CCL25: variants seen among roughly 807,000 people sequenced by gnomAD.
CCL25 encodes C-C motif chemokine ligand 25, also known as C-C motif chemokine 25.
A neutral mutation model predicts 19.9 loss-of-function variants in CCL25; 14 were observed. That is an observed-to-expected ratio of 0.70 (90% CI 0.47 to 1.10). CCL25 has a LOEUF of 1.10. Among genes scored for constraint, CCL25 ranks in the 50% least tolerant of loss-of-function variants. The probability of loss-of-function intolerance (pLI) is 0.00; values close to 1 mark genes in which losing one functional copy is unlikely to be tolerated. For missense variants in CCL25, 151 were observed against 181.2 expected (o/e 0.83, Z 0.96); for synonymous variants, 68 against 73.2 (o/e 0.93, Z 0.36).
chr19:8,056,557 T>C, intron 4 of CCL25, 58 bp downstream of exon 4: 1 of 1,600,906 alleles, frequency 6.2e-7, no homozygotes, highest in Non-Finnish European at 8.5e-7. Flanking sequence ...TGCAAGCCCA[T>C]GTGTGGTTCA....
intron 2 of CCL25, among the ~76,000 whole-genome samples, 199 bp from the exon 3 acceptor site, chr19:8,055,953 C>T (rs2081268050): frequency 6.6e-6 from 1 of 152,212 alleles, no homozygotes; most frequent in Admixed American, 6.5e-5. Flanking sequence ...CCTCTCCAAC[C>T]TCTGGCTGTC....
intron 2 of CCL25, among the ~76,000 whole-genome samples, chr19:8,054,401 C>T (rs1005875151): frequency 1.3e-5 from 2 of 152,234 alleles, no homozygotes; most frequent in African/African-American, 4.8e-5. Flanking sequence ...ACAGAATGCG[C>T]TGCCCCTTGC....
chr19:8,053,059 T>C lies in CCL25; in HGVS notation c.10T>C (p.Trp4Arg), dbSNP rs1441614679. The C allele has an allele frequency of 6.4e-7, 1 of 1,551,880 alleles. No homozygotes were observed. MNL[W>R]LLACLVAGFL... ...AGGACCCGCCTGCAGCATGAACCTG[T>C]GGCTCCTGGCCTGCCTGGTGGCCGG... The change falls in exon 2 of 6, where the codon TGG (tryptophan) becomes CGG (arginine). Residue 4 changes from tryptophan to arginine, a missense_variant. Transcript: ENST00000315626.
At chr19:8,055,716 CCACCT>C (rs2081266317) in intron 2 of CCL25, among the ~76,000 whole-genome samples, 1 of 152,184 alleles carries the variant, frequency 6.6e-6, no homozygotes, top group Admixed American at 6.5e-5. Context: ...GGTGATCCAC[CCACCT>C]CAGCCTCCCA....
chr19:8,054,335 G>A (rs752070750), intron 2 of CCL25, among the ~76,000 whole-genome samples: 3 of 152,216 alleles, frequency 2.0e-5, no homozygotes, highest in Non-Finnish European at 4.4e-5. Context: ...CCAGCCCTTC[G>A]ATCCTGGCCT....
chr19:8,060,855 T>C (rs1313904250), intron 5 of CCL25, among the ~76,000 whole-genome samples: 1 of 151,302 alleles, frequency 6.6e-6, no homozygotes, highest in East Asian at 2.0e-4. Context: ...TAATTTTTTG[T>C]ATTTTTAGTA....
At chr19:8,056,899 A>G (rs1030280333) in intron 4 of CCL25, among the ~76,000 whole-genome samples, 2 of 151,970 alleles carry the variant, frequency 1.3e-5, no homozygotes, top group African/African-American at 4.8e-5. Context: ...CTGGAGTGCA[A>G]TGGCGCCATC....
In CCL25 at chr19:8,056,584, A is replaced by G; in HGVS notation, c.325+85A>G. ...TGTGGTTCAGACCCCGAGGGAGGGA[A>G]TTGGAGACCAGAATACTGACACCTG... On this transcript the variant is annotated intron_variant, in intron 4 of 5. Coordinates refer to ENST00000315626, the MANE Select transcript of CCL25 (RefSeq NM_005624.4). The G allele has an allele frequency of 2.0e-6, 3 of 1,492,390 alleles. No homozygotes were observed. The South Asian group carries it at 3.6e-5, about 18-fold the overall frequency. The allele number at this position is 1,492,390 out of a possible 1,614,324, so 92.4% of individuals were successfully genotyped here.
At chr19:8,057,514 G>T (rs2081281159) in intron 4 of CCL25, among the ~76,000 whole-genome samples, 1 of 151,850 alleles carries the variant, frequency 6.6e-6, no homozygotes, top group South Asian at 2.1e-4. Flanking sequence ...TTTTCATTTT[G>T]CAGAGACAGG....
Position 8,056,267 on chromosome 19 carries a change from G to T in CCL25, c.189G>T (p.Ala63=). The T allele has an allele frequency of 6.3e-7, 1 of 1,580,152 alleles. No homozygotes were observed. Among genetic ancestry groups the T allele is most frequent in the Admixed American group, 1.8e-5 (1 of 56,930 alleles). The change falls in exon 3 of 6, where the codon GCG becomes GCT. Residue 63 remains alanine (A), a splice_region_variant and synonymous_variant. Coordinates refer to ENST00000315626, the MANE Select transcript of CCL25 (RefSeq NM_005624.4). ...GCGGGAGCTGCAATCTGCCTGCTGC[G>T]ATGTGAGTGGGGCCGTGGGGGCTGG... is the stretch of plus-strand genomic sequence containing the variant. ...EVSGSCNLPA[A]IFYLPKRHRK...
In CCL25 at chr19:8,052,786, C is replaced by CCGG; in HGVS notation, c.-83_-81dup. The CCGG allele has an allele frequency of 4.5e-6, 2 of 441,402 alleles. No individual in the cohort carries two copies. The highest frequency in any genetic ancestry group is 5.5e-5 in the South Asian group (1 of 18,152). The allele number at this position is 441,402 out of a possible 1,614,324, so 27.3% of individuals were successfully genotyped here. ...CAGATGGGACAGCTTGGCCTACAGC[C>CCGG]CGGCGGGCATCAGCTCCCTTGACCC... On this transcript the variant is annotated 5_prime_UTR_variant, in exon 1 of 6. Transcript: ENST00000315626.
In CCL25 at chr19:8,062,314, G is replaced by A. The variant is rs757276071; in HGVS notation, c.*89G>A. ...GCCCTACAGACCCAGCTGTCCCCACGCCTCTGTCTTTTGGGTCAAGTCTTA... is the reference window on the plus strand; with the variant it reads ...GCCCTACAGACCCAGCTGTCCCCACACCTCTGTCTTTTGGGTCAAGTCTTA... On this transcript the variant is annotated 3_prime_UTR_variant, in exon 6 of 6. Coordinates refer to ENST00000315626, the MANE Select transcript of CCL25 (RefSeq NM_005624.4). 1.2e-4 allele frequency: 169 copies of A among 1,447,348 alleles called. No homozygotes were observed. The highest frequency in any genetic ancestry group is 2.3e-4 in the Middle Eastern group (1 of 4,258). The allele number at this position is 1,447,348 out of a possible 1,614,324, so 89.7% of individuals were successfully genotyped here.
intron 4 of CCL25, among the ~76,000 whole-genome samples, chr19:8,057,058 T>C (rs2081277298): frequency 6.6e-6 from 1 of 152,166 alleles, no homozygotes; most frequent in Non-Finnish European, 1.5e-5. Context: ...TCTTGCTGTG[T>C]CATCCAGGCT....
intron 5 of CCL25, among the ~76,000 whole-genome samples, chr19:8,060,572 G>C (rs933727687): frequency 1.3e-5 from 2 of 152,098 alleles, no homozygotes; most frequent in Non-Finnish European, 2.9e-5. Context: ...AGGCTGGAGT[G>C]CAGTGGCGCA....
upstream of CCL25, among the ~76,000 whole-genome samples, chr19:8,052,364 A>G (rs1320026230): frequency 2.0e-5 from 3 of 151,922 alleles, no homozygotes; most frequent in Non-Finnish European, 2.9e-5. Context: ...TTACCTAACC[A>G]TGGTGTGGAA....
At position 8,052,920 on chromosome 19, in the gene CCL25, G is replaced by A. The variant is rs527782727; in HGVS notation, c.-50-80G>A. ...AACCTCCTTCCCTTGCCATATGCCT[G>A]GGGCTTAAGAGGGGGGATGTTCCCA... is the stretch of plus-strand genomic sequence containing the variant. On this transcript the variant is annotated intron_variant, in intron 1 of 5. Transcript: ENST00000315626. 516 of 572,062 alleles carry A rather than the reference G, an allele frequency of 9.0e-4. 7 individuals are homozygous for A. In the South Asian group the frequency reaches 0.012, roughly 14 times the overall value. 35.4% of individuals were successfully genotyped at this position (572,062 alleles called of 1,614,324 possible).
chr19:8,062,343 C>A lies in CCL25; in HGVS notation c.*118C>A. 1 of 1,140,246 alleles carries A rather than the reference C, an allele frequency of 8.8e-7. No individual in the cohort carries two copies. The highest frequency in any genetic ancestry group is 1.3e-6 in the Non-Finnish European group (1 of 761,670). 70.6% of individuals were successfully genotyped at this position (1,140,246 alleles called of 1,614,324 possible). A position where few individuals can be genotyped will look rare whatever the true frequency, so the allele number is the denominator to read the frequency against. ...CTGTCTTTTGGGTCAAGTCTTAATC[C>A]CTGCACCTGAGTTGGTCCTCCCTCT... is the stretch of plus-strand genomic sequence containing the variant. On this transcript the variant is annotated 3_prime_UTR_variant, in exon 6 of 6. Coordinates refer to ENST00000315626, the MANE Select transcript of CCL25 (RefSeq NM_005624.4).
intron 5 of CCL25, among the ~76,000 whole-genome samples, chr19:8,060,915 C>T (rs1282760243): frequency 6.6e-6 from 1 of 151,168 alleles, no homozygotes; most frequent in Non-Finnish European, 1.5e-5. Flanking sequence ...CTCCTGACTT[C>T]ATGATCCACC....
chr19:8,055,980 A>G (rs1427024496), intron 2 of CCL25, among the ~76,000 whole-genome samples, 172 bp from the exon 3 acceptor site: 2 of 152,158 alleles, frequency 1.3e-5, no homozygotes, highest in Non-Finnish European at 2.9e-5. Context: ...TCCAGGGATA[A>G]GGGGTGAGCC....
Sources: gnomAD v4.1 joint callset for allele counts (sites outside exome capture counted in the v4.1 genomes callset) on GRCh38, gnomAD v4.1.1 for gene constraint, MANE v1.5 for transcripts, NCBI Gene and HGNC (gene_info 2026-07-23, HGNC 2026-07-21) for gene names.